The following CDH18 variants were observed in gnomAD, a reference collection of about 807,000 sequenced individuals.
The protein encoded by CDH18 is cadherin-18.
In CDH18, 31 loss-of-function variants were observed where a neutral mutation model predicts 67.9. The ratio of observed to expected loss-of-function variants is 0.46; its 90% CI spans 0.34 to 0.62. The LOEUF is 0.62. Ranked by LOEUF, CDH18 falls within the 20% of genes least tolerant of loss-of-function variation. The probability of loss-of-function intolerance (pLI) is 0.01; values close to 1 mark genes in which losing one functional copy is unlikely to be tolerated. For missense variants in CDH18, 890 were observed against 975.5 expected, an observed-to-expected ratio of 0.91 and a Z score of 1.17; for synonymous variants, 362 against 347.2, an observed-to-expected ratio of 1.04 and a Z score of -0.48.
intron 3 of CDH18, among the ~76,000 whole-genome samples, chr5:19,791,308 G>T (rs1334359580): frequency 6.7e-6 from 1 of 150,082 alleles, no homozygotes; most frequent in Non-Finnish European, 1.5e-5. Context: ...GAACACAGAT[G>T]TGTGGGCTCC....
At chr5:20,517,471 ATTAC>A (rs141980765) in intron 1 of CDH18, among the ~76,000 whole-genome samples, 63 of 152,032 alleles carry the variant, frequency 4.1e-4, no homozygotes, top group African/African-American at 1.5e-3. Flanking sequence ...CAATTAAAAT[ATTAC>A]TTAATTTCCT....
chr5:20,299,785 G>T (rs56332603), intron 1 of CDH18, among the ~76,000 whole-genome samples: 2 of 145,016 alleles, frequency 1.4e-5, no homozygotes, highest in Non-Finnish European at 3.0e-5. Context: ...AGAATATTCA[G>T]AAGTGGAATA....
intron 1 of CDH18, among the ~76,000 whole-genome samples, chr5:20,274,430 T>C (rs953439402): frequency 2.0e-5 from 3 of 151,994 alleles, no homozygotes; most frequent in African/African-American, 7.3e-5. Flanking sequence ...CAGAAGTCAA[T>C]AGAATGCATA....
Position 20,205,345 on chromosome 5 carries a change from T to C in CDH18, c.-518+50099A>G, listed in dbSNP as rs530470299. On this transcript the variant is annotated intron_variant, in intron 2 of 14. Transcript: ENST00000507958. The stretch of plus-strand genomic sequence containing the variant: ...CAAGAGGCTACATCAATTATAAATA[T>C]GCATCCAACATTGGAACACCCAAGT... Among the ~76,000 whole-genome samples, 7 of 152,072 alleles carry C rather than the reference T, an allele frequency of 4.6e-5. No individual in the cohort carries two copies. In the East Asian group the frequency reaches 1.2e-3, roughly 25 times the overall value.
intron 1 of CDH18, among the ~76,000 whole-genome samples, chr5:20,278,776 G>T (rs1276653491): frequency 6.6e-6 from 1 of 152,010 alleles, no homozygotes; most frequent in Non-Finnish European, 1.5e-5. Context: ...TTGCCTATTT[G>T]ACAGTCTGAT....
intron 1 of CDH18, among the ~76,000 whole-genome samples, chr5:20,341,429 G>T (rs1740253990): frequency 6.6e-6 from 1 of 151,880 alleles, no homozygotes; most frequent in Non-Finnish European, 1.5e-5. Context: ...GGCTCTTCTT[G>T]CTCCTCAGCT....
intron 3 of CDH18, among the ~76,000 whole-genome samples, chr5:19,837,710 A>G (rs1781828743): frequency 6.6e-6 from 1 of 152,114 alleles, no homozygotes; most frequent in African/African-American, 2.4e-5. Flanking sequence ...ATGGCTTGTG[A>G]TCCTGTACTG....
chr5:19,760,035 T>G (rs1772129354), intron 3 of CDH18, among the ~76,000 whole-genome samples: 1 of 152,190 alleles, frequency 6.6e-6, no homozygotes, highest in Admixed American at 6.5e-5. Flanking sequence ...CAGTGATTAA[T>G]TAGCCAATGC....
At chr5:19,972,360 A>G (rs1393300704) in intron 2 of CDH18, among the ~76,000 whole-genome samples, 1 of 152,056 alleles carries the variant, frequency 6.6e-6, no homozygotes, top group African/African-American at 2.4e-5. Context: ...AAAATTACTA[A>G]GTCTATAAAT....
At chr5:19,981,640 T>C (rs1426745348) in intron 1 of CDH18, among the ~76,000 whole-genome samples, 3 of 152,114 alleles carry the variant, frequency 2.0e-5, no homozygotes, top group East Asian at 1.9e-4. Context: ...GCATTGGAGG[T>C]AAAGTTTCCA....
At chr5:20,150,438 A>G (rs917459669) in intron 2 of CDH18, among the ~76,000 whole-genome samples, 1 of 152,068 alleles carries the variant, frequency 6.6e-6, no homozygotes, top group East Asian at 1.9e-4. Context: ...TATGAAGTAT[A>G]ATAAGTTCAG....
At chr5:20,223,638 T>G (rs941575626) in intron 2 of CDH18, among the ~76,000 whole-genome samples, 1 of 152,120 alleles carries the variant, frequency 6.6e-6, no homozygotes, top group Non-Finnish European at 1.5e-5. Context: ...AATTCTCATG[T>G]GTCATGGGAG....
chr5:19,505,463 A>C (rs1320392898), intron 10 of CDH18, among the ~76,000 whole-genome samples: 1 of 152,152 alleles, frequency 6.6e-6, no homozygotes, highest in Non-Finnish European at 1.5e-5. Context: ...TTTGTCATAG[A>C]TAGCTCTTAT....
In CDH18 at chr5:19,748,112, C is replaced by CAAAAAAAAAAAAAAAAAAAAAAA. The variant is rs766955714; in HGVS notation, c.229-877_229-876insTTTTTTTTTTTTTTTTTTTTTTT. ...TGGGAGACAGAGCGAGACTCCATCTCAAAAAAAAAAAAAAAAAAAAAGAGT... is the reference window on the plus strand; with the variant it reads ...TGGGAGACAGAGCGAGACTCCATCTCAAAAAAAAAAAAAAAAAAAAAAAAAAAAAAAAAAAAAAAAAAAAGAGT... On this transcript the variant is annotated intron_variant, in intron 3 of 12. Transcript: ENST00000382275. 2.9e-3 allele frequency among the ~76,000 whole-genome samples: 43 copies of CAAAAAAAAAAAAAAAAAAAAAAA among 14,856 alleles called. 13 individuals are homozygous for CAAAAAAAAAAAAAAAAAAAAAAA. The highest frequency in any genetic ancestry group is 5.6e-3 in the Admixed American group (3 of 532). The allele number at this position is 14,856 out of a possible 152,430, so 9.7% of individuals were successfully genotyped here.
intron 1 of CDH18, among the ~76,000 whole-genome samples, chr5:20,291,436 G>C (rs1399905761): frequency 6.6e-6 from 1 of 152,084 alleles, no homozygotes; most frequent in African/African-American, 2.4e-5. Context: ...AAAAGATTAG[G>C]TATGATTTAG....
At position 19,774,808 on chromosome 5, in the gene CDH18, CAAAAAAAAAAAAAAAAAAAAAAAA is replaced by C. The variant is rs59248561; in HGVS notation, c.229-27596_229-27573del. 5.3e-3 allele frequency among the ~76,000 whole-genome samples: 186 copies of C among 35,418 alleles called. 1 individual carries two copies. Among genetic ancestry groups the C allele is most frequent in the Non-Finnish European group, 8.2e-3 (158 of 19,264 alleles). The allele number at this position is 35,418 out of a possible 152,430, so 23.2% of individuals were successfully genotyped here. A position where few individuals can be genotyped will look rare whatever the true frequency, so the allele number is the denominator to read the frequency against. On this transcript the variant is annotated intron_variant, in intron 3 of 12. Transcript: ENST00000382275. ...TGAGTGACAGAGCAAGACTCTGTCT[CAAAAAAAAAAAAAAAAAAAAAAAA>C]AAAAAAAAAAAAAAAAAGGCCAAGA...
At chr5:19,954,650 A>C (rs1468741431) in intron 2 of CDH18, among the ~76,000 whole-genome samples, 1 of 152,046 alleles carries the variant, frequency 6.6e-6, no homozygotes, top group Admixed American at 6.6e-5. Flanking sequence ...ACCAATCTGA[A>C]TAGGTGTCAA....
chr5:19,486,280 A>AAT (rs1334748448), intron 11 of CDH18, among the ~76,000 whole-genome samples: 11 of 150,574 alleles, frequency 7.3e-5, no homozygotes, highest in South Asian at 2.1e-4. Context: ...AGGAAGAAGA[A>AAT]ATATATATAT....
chr5:20,198,138 C>A lies in CDH18; in HGVS notation c.-518+57306G>T. ...TTTCTTCAGAGCAGTGTGAGAGTGA[C>A]TAATACAGTAAATTGTTACTGAGTA... is the stretch of plus-strand genomic sequence containing the variant. On this transcript the variant is annotated intron_variant, in intron 2 of 14. Transcript: ENST00000507958. Among the ~76,000 whole-genome samples, 2 of 152,080 alleles carry A rather than the reference C, an allele frequency of 1.3e-5. 1 individual carries two copies. Among genetic ancestry groups the A allele is most frequent in the East Asian group, 3.9e-4 (2 of 5,182 alleles).
Sources: gnomAD v4.1 joint callset for allele counts (sites outside exome capture counted in the v4.1 genomes callset) on GRCh38, gnomAD v4.1.1 for gene constraint, MANE v1.5 for transcripts, NCBI Gene and HGNC (gene_info 2026-07-23, HGNC 2026-07-21) for gene names.